Variants in WDFY4 observed in about 807,000 individuals in gnomAD.
WDFY4 encodes the protein WDFY family member 4.
A neutral mutation model predicts 351.9 loss-of-function variants in WDFY4; 169 were observed. That is an observed-to-expected ratio of 0.48 (90% CI 0.42 to 0.55). The LOEUF is 0.55. Among genes scored for constraint, WDFY4 ranks in the 20% least tolerant of loss-of-function variants. WDFY4 has a pLI of 0.00. For missense variants in WDFY4, 3,803 were observed against 3,935.6 expected, an observed-to-expected ratio of 0.97 and a Z score of 0.90; for synonymous variants, 1,622 against 1,574.6, an observed-to-expected ratio of 1.03 and a Z score of -0.71.
At position 48,817,306 on chromosome 10, in the gene WDFY4, T is replaced by C; in HGVS notation, c.5402T>C (p.Phe1801Ser). The change falls in exon 32 of 62, where the codon TTC becomes TCC. Residue 1801 changes from phenylalanine to serine, a missense_variant. Around this residue, in one of 3 missense-constraint regions of WDFY4, gnomAD observed 3,054 missense variants for 3,148.6 expected, o/e 0.97. Transcript: ENST00000325239. ...AQTFPASVLQ[F>S]LSLVHRTYPQ... The stretch of plus-strand genomic sequence containing the variant: ...ACCTTCCCGGCCAGCGTGCTGCAGT[T>C]CCTCAGCCTCGTCCACCGCACCTAC... 3 of 1,551,712 alleles carry C rather than the reference T, an allele frequency of 1.9e-6. No homozygotes were observed. The highest frequency in any genetic ancestry group is 2.6e-6 in the Non-Finnish European group (3 of 1,147,000).
chr10:48,685,659 A>C (rs2063023789), intron 1 of WDFY4, among the ~76,000 whole-genome samples: 1 of 152,222 alleles, frequency 6.6e-6, no homozygotes, highest in Admixed American at 6.5e-5. Flanking sequence ...TTTTCCCCTG[A>C]AATGAAACTT....
In WDFY4 at chr10:48,709,413, C is replaced by CAAAAAAAAAAA. The variant is rs1182833509; in HGVS notation, c.-17-290_-17-280dup. The stretch of plus-strand genomic sequence containing the variant: ...TGGGCGACAGAGCGAGACTCCGTCT[C>CAAAAAAAAAAA]AAAAAAAAAAAAAAAAAAAAAAAGA... On this transcript the variant is annotated intron_variant, in intron 1 of 61. Coordinates refer to ENST00000325239, the MANE Select transcript of WDFY4 (RefSeq NM_001394531.1). 5.0e-3 allele frequency among the ~76,000 whole-genome samples: 2 copies of CAAAAAAAAAAA among 400 alleles called. 1 individual carries two copies. The highest frequency in any genetic ancestry group is 5.2e-3 in the African/African-American group (2 of 384). 0.3% of individuals were successfully genotyped at this position (400 alleles called of 152,430 possible). A position where few individuals can be genotyped will look rare whatever the true frequency, so the allele number is the denominator to read the frequency against.
At chr10:48,692,075 C>T (rs2063209724) in intron 1 of WDFY4, among the ~76,000 whole-genome samples, 1 of 152,208 alleles carries the variant, frequency 6.6e-6, no homozygotes, top group Admixed American at 6.5e-5. Context: ...AGGGCACAGG[C>T]TCCTAAGCCA....
chr10:48,755,960 T>C (rs1408258948), intron 12 of WDFY4, among the ~76,000 whole-genome samples: 2 of 152,092 alleles, frequency 1.3e-5, no homozygotes, highest in Non-Finnish European at 2.9e-5. Flanking sequence ...TGTGTTTTTC[T>C]GTTTTCAATA....
intron 47 of WDFY4, chr10:48,910,824 G>A (rs895084151): frequency 2.2e-4 from 164 of 748,568 alleles, no homozygotes; most frequent in Non-Finnish European, 2.5e-4. Flanking sequence ...ACCAAGCATG[G>A]CAAGAAGTGT....
At position 48,691,611 on chromosome 10, in the gene WDFY4, C is replaced by T. The variant is rs1259332643; in HGVS notation, c.-18+6610C>T. Among the ~76,000 whole-genome samples, 5 of 152,238 alleles carry T rather than the reference C, an allele frequency of 3.3e-5. No individual in the cohort carries two copies. The East Asian group carries it at 9.6e-4, about 29-fold the overall frequency. ...GGCAGTGGCCGTACCAGACTTCCTG[C>T]TGCTGCCATCACTTGGATGTGAAAA... On this transcript the variant is annotated intron_variant, in intron 1 of 61. Coordinates refer to ENST00000325239, the MANE Select transcript of WDFY4 (RefSeq NM_001394531.1).
chr10:48,741,279 T>C (rs2064840526), intron 11 of WDFY4, among the ~76,000 whole-genome samples: 2 of 152,070 alleles, frequency 1.3e-5, no homozygotes, highest in South Asian at 2.1e-4. Context: ...ACACACATTC[T>C]ATTGTTTCAA....
chr10:48,789,952 C>G lies in WDFY4; in HGVS notation c.4033C>G (p.Arg1345Gly). 1 of 1,552,370 alleles carries G rather than the reference C, an allele frequency of 6.4e-7. No homozygotes were observed. Among genetic ancestry groups the G allele is most frequent in the Non-Finnish European group, 8.7e-7 (1 of 1,147,142 alleles). The change falls in exon 22 of 62, where the codon CGG (arginine) becomes GGG (glycine). Residue 1345 changes from arginine to glycine, a missense_variant. Physicochemically the swap from Arg to Gly is moderately radical, Grantham distance 125. Around this residue, in one of 3 missense-constraint regions of WDFY4, gnomAD observed 3,054 missense variants for 3,148.6 expected, o/e 0.97. Coordinates refer to ENST00000325239, the MANE Select transcript of WDFY4 (RefSeq NM_001394531.1). ...NCAGHLSGSL[R>G]TIGAVAVGQL... ...TGCTGGCCACCTGTCAGGGTCTCTG[C>G]GGACCATTGGAGCTGTTGCTGTGGG...
At chr10:48,787,265 G>A (rs1316926884) in intron 20 of WDFY4, among the ~76,000 whole-genome samples, 1 of 152,194 alleles carries the variant, frequency 6.6e-6, no homozygotes, top group Non-Finnish European at 1.5e-5. Flanking sequence ...ATTCAAGCAG[G>A]GAGCATTGTT....
chr10:48,834,158 T>G (rs902989963), intron 39 of WDFY4, among the ~76,000 whole-genome samples: 2 of 152,240 alleles, frequency 1.3e-5, no homozygotes, highest in African/African-American at 4.8e-5. Flanking sequence ...AATAAGTTCA[T>G]TGATAGACTC....
At chr10:48,835,209 C>T (rs538509115) in intron 39 of WDFY4, among the ~76,000 whole-genome samples, 2 of 152,182 alleles carry the variant, frequency 1.3e-5, no homozygotes, top group South Asian at 4.2e-4. Context: ...TAAGCAAATA[C>T]AGTTGTAAAT....
intron 39 of WDFY4, among the ~76,000 whole-genome samples, chr10:48,843,770 C>A (rs1489286482): frequency 6.6e-6 from 1 of 152,166 alleles, no homozygotes; most frequent in Non-Finnish European, 1.5e-5. Context: ...TACCTGCATT[C>A]TGAAAATTAG....
chr10:48,975,077 C>T, intron 58 of WDFY4, 36 bp downstream of exon 58: 1 of 1,551,528 alleles, frequency 6.4e-7, no homozygotes, highest in Non-Finnish European at 8.7e-7. Flanking sequence ...GTGTCCTCAC[C>T]TTCGCAGTAG....
chr10:48,721,547 C>G (rs1344368420), intron 4 of WDFY4, among the ~76,000 whole-genome samples, 180 bp downstream of exon 4: 3 of 152,224 alleles, frequency 2.0e-5, no homozygotes, highest in African/African-American at 7.2e-5. Flanking sequence ...GAAATTCCCA[C>G]CTTCCCAGTT....
intron 12 of WDFY4, among the ~76,000 whole-genome samples, chr10:48,746,646 A>T (rs1228221502): frequency 6.6e-6 from 1 of 151,892 alleles, no homozygotes; most frequent in Non-Finnish European, 1.5e-5. Context: ...TTTTGGTCTT[A>T]TTTTTGAATT....
intron 23 of WDFY4, among the ~76,000 whole-genome samples, chr10:48,794,659 A>G (rs1299720122): frequency 6.6e-6 from 1 of 152,246 alleles, no homozygotes; most frequent in Admixed American, 6.5e-5. Context: ...TTGAGAAGCA[A>G]GAGGGAAGAA....
Position 48,731,127 on chromosome 10 carries a change from C to G in WDFY4, c.1147C>G (p.Leu383Val). The G allele has an allele frequency of 6.5e-7, 1 of 1,546,130 alleles. No individual in the cohort carries two copies. The highest frequency in any genetic ancestry group is 8.7e-7 in the Non-Finnish European group (1 of 1,143,148). ...HEASGVTVKN[L>V]QAFQVLQNVF... ...CTCCTCAGGGGTGACTGTTAAGAAT[C>G]TTCAGGCCTTCCAGGTCCTACAGAA... is the stretch of plus-strand genomic sequence containing the variant. The change falls in exon 9 of 62, where the codon CTT (leucine) becomes GTT (valine). Residue 383 changes from leucine (L) to valine (V), a missense_variant. This residue lies in a region of WDFY4 where 488 missense variants were observed against 456.8 expected (regional missense o/e 1.07). Transcript: ENST00000325239.
At chr10:48,965,840 T>TAGATTATATCTATATCAGTTAGATAA (rs1441884032) in intron 54 of WDFY4, among the ~76,000 whole-genome samples, 6 of 152,100 alleles carry the variant, frequency 3.9e-5, no homozygotes, top group South Asian at 2.1e-4. Context: ...CAGTTAGATA[T>TAGATTATATCTATATCAGTTAGATAA]AGATTATATC....
At chr10:48,950,790 G>A (rs950304810) in intron 51 of WDFY4, among the ~76,000 whole-genome samples, 10 of 152,240 alleles carry the variant, frequency 6.6e-5, no homozygotes, top group African/African-American at 2.4e-4. Flanking sequence ...CAGGCATGCA[G>A]TGTGACATGT....
Sources: allele counts gnomAD v4.1 joint callset (sites outside exome capture counted in the v4.1 genomes callset), GRCh38; gene constraint gnomAD v4.1.1; regional missense constraint gnomAD v4.1.1; transcripts MANE v1.5; gene names NCBI Gene and HGNC (gene_info 2026-07-23, HGNC 2026-07-21).